WWOX: variants seen among roughly 807,000 people sequenced by gnomAD.
WWOX encodes WW domain-containing oxidoreductase.
Under a neutral mutation model 46.2 loss-of-function variants are expected in WWOX, and 69 were observed. The observed-to-expected ratio is 1.49, with a 90% confidence interval of 1.23 to 1.82. The LOEUF (loss-of-function observed/expected upper bound fraction) is 1.82, where lower values mean the gene tolerates loss of function less well. WWOX is among the 40% of genes most tolerant of loss of function. The pLI, the probability that WWOX is intolerant of heterozygous loss-of-function variation, is 0.00. For synonymous variants in WWOX, 359 were observed against 202.6 expected (o/e 1.77, Z -6.56); for missense variants, 919 against 542.6 (o/e 1.69, Z -6.89).
chr16:79,027,507 C>G (rs1459814577), intron 8 of WWOX, among the ~76,000 whole-genome samples: 2 of 151,770 alleles, frequency 1.3e-5, no homozygotes, highest in African/African-American at 4.9e-5. Context: ...TGACTTCTGC[C>G]TGCCATCATT....
intron 8 of WWOX, among the ~76,000 whole-genome samples, chr16:78,798,482 G>T (rs998864299): frequency 8.6e-5 from 13 of 151,870 alleles, no homozygotes; most frequent in Non-Finnish European, 1.3e-4. Flanking sequence ...TCATGCCCCA[G>T]AAATTATTGT....
At chr16:78,777,266 G>T (rs937552390) in intron 8 of WWOX, among the ~76,000 whole-genome samples, 2 of 151,984 alleles carry the variant, frequency 1.3e-5, no homozygotes, top group South Asian at 4.2e-4. Context: ...GTGCCTCTCA[G>T]GTGTCAATGC....
intron 8 of WWOX, among the ~76,000 whole-genome samples, chr16:78,900,910 C>G (rs1334819308): frequency 6.6e-6 from 1 of 151,674 alleles, no homozygotes; most frequent in Non-Finnish European, 1.5e-5. Context: ...CAGATTCATC[C>G]CATATTCTCT....
intron 8 of WWOX, among the ~76,000 whole-genome samples, chr16:79,150,855 A>G (rs1022310976): frequency 6.6e-6 from 1 of 152,144 alleles, no homozygotes; most frequent in Non-Finnish European, 1.5e-5. Flanking sequence ...TGCGTAGGCC[A>G]CTTGGAGTGA....
chr16:79,050,453 A>C (rs964873502), intron 8 of WWOX, among the ~76,000 whole-genome samples: 3 of 152,170 alleles, frequency 2.0e-5, no homozygotes, highest in Non-Finnish European at 4.4e-5. Flanking sequence ...AGGACTTTCA[A>C]GTCTAGACCC....
chr16:79,113,526 A>C (rs2049455757), intron 8 of WWOX, among the ~76,000 whole-genome samples: 1 of 152,264 alleles, frequency 6.6e-6, no homozygotes, highest in Non-Finnish European at 1.5e-5. Flanking sequence ...AATTCAAATT[A>C]AATGGAATGT....
intron 8 of WWOX, among the ~76,000 whole-genome samples, chr16:78,835,640 CAG>C (rs2051958450): frequency 6.6e-6 from 1 of 152,176 alleles, no homozygotes; most frequent in Admixed American, 6.5e-5. Context: ...GAGTAGGAAA[CAG>C]AGATGCGACG....
chr16:78,295,031 A>G (rs1017021154), intron 5 of WWOX, among the ~76,000 whole-genome samples: 2 of 152,192 alleles, frequency 1.3e-5, no homozygotes, highest in Admixed American at 6.5e-5. Context: ...TCCCCTGCCC[A>G]GGACAGGCTC....
chr16:78,950,659 G>C (rs7197702), intron 8 of WWOX, among the ~76,000 whole-genome samples: 7,007 of 152,100 alleles, frequency 0.046, 564 homozygotes, highest in African/African-American at 0.16. Flanking sequence ...TTTTGAGGTG[G>C]AATCCTTTTT....
At chr16:78,590,156 C>CTCTCTCTT (rs2045317907) in intron 8 of WWOX, among the ~76,000 whole-genome samples, 1 of 151,882 alleles carries the variant, frequency 6.6e-6, no homozygotes. Flanking sequence ...GTCTCTCTCT[C>CTCTCTCTT]TCTCTCTGTT....
chr16:78,739,573 G>A (rs2049167298), intron 8 of WWOX, among the ~76,000 whole-genome samples: 1 of 152,152 alleles, frequency 6.6e-6, no homozygotes, highest in African/African-American at 2.4e-5. Flanking sequence ...CACTTTGGGA[G>A]GCTGAGGCAG....
chr16:78,847,987 G>C (rs2052344657), intron 8 of WWOX, among the ~76,000 whole-genome samples: 1 of 152,156 alleles, frequency 6.6e-6, no homozygotes, highest in African/African-American at 2.4e-5. Context: ...CATAAAGGGA[G>C]AGTGGTTGCC....
chr16:78,296,315 T>G (rs1406058779), intron 5 of WWOX, among the ~76,000 whole-genome samples: 2 of 152,068 alleles, frequency 1.3e-5, no homozygotes, highest in African/African-American at 4.8e-5. Context: ...AAAAAACTCC[T>G]GAAATGAAAA....
intron 5 of WWOX, among the ~76,000 whole-genome samples, chr16:78,219,632 A>G (rs987844599): frequency 2.0e-5 from 3 of 152,192 alleles, no homozygotes; most frequent in Non-Finnish European, 1.5e-5. Context: ...TTGCGAATGA[A>G]CAGTTCTCTT....
At chr16:78,221,697 A>G (rs924451453) in intron 5 of WWOX, among the ~76,000 whole-genome samples, 1 of 152,234 alleles carries the variant, frequency 6.6e-6, no homozygotes, top group African/African-American at 2.4e-5. Context: ...TTGTTTGATG[A>G]AATGCAAGAT....
chr16:78,779,915 A>G (rs2050282781), intron 8 of WWOX, among the ~76,000 whole-genome samples: 3 of 152,198 alleles, frequency 2.0e-5, no homozygotes, highest in Admixed American at 2.0e-4. Flanking sequence ...TTAAAACAGA[A>G]GCTCTGAATT....
chr16:78,384,039 C>T (rs905223506), intron 5 of WWOX, among the ~76,000 whole-genome samples: 1 of 152,170 alleles, frequency 6.6e-6, no homozygotes, highest in Non-Finnish European at 1.5e-5. Flanking sequence ...GGCTAGTTGG[C>T]TGTGCTATCA....
chr16:78,842,480 G>A (rs1162369943), intron 8 of WWOX, among the ~76,000 whole-genome samples: 1 of 148,352 alleles, frequency 6.7e-6, no homozygotes, highest in Non-Finnish European at 1.5e-5. Flanking sequence ...TTCAACCTGG[G>A]TGAAAAAGTG....
intron 8 of WWOX, among the ~76,000 whole-genome samples, chr16:78,498,867 G>C (rs2084983116): frequency 1.3e-5 from 2 of 151,754 alleles, no homozygotes; most frequent in Admixed American, 1.3e-4. Context: ...TTACTGGTCT[G>C]TTTTTTTTCC....
Sources: gnomAD v4.1 joint callset for allele counts (sites outside exome capture counted in the v4.1 genomes callset) on GRCh38, gnomAD v4.1.1 for gene constraint, MANE v1.5 for transcripts, NCBI Gene and HGNC (gene_info 2026-07-23, HGNC 2026-07-21) for gene names.